PHACTR2: variants seen among roughly 807,000 people sequenced by gnomAD.
PHACTR2 encodes the protein chromosome 6 open reading frame 56.
A neutral mutation model predicts 76.0 loss-of-function variants in PHACTR2; 30 were observed. The ratio of observed to expected loss-of-function variants is 0.39; its 90% CI spans 0.30 to 0.54. PHACTR2 has a LOEUF of 0.54. Ranked by LOEUF, PHACTR2 falls within the 20% of genes least tolerant of loss-of-function variation. The pLI is 0.61. For synonymous variants in PHACTR2, 292 were observed against 292.5 expected (o/e 1.00, Z 0.02); for missense variants, 696 against 781.1 (o/e 0.89, Z 1.30).
chr6:143,667,774 G>A (rs191499261), intron 1 of PHACTR2, among the ~76,000 whole-genome samples: 2 of 152,140 alleles, frequency 1.3e-5, no homozygotes, highest in African/African-American at 4.8e-5. Context: ...GGAGATTTTG[G>A]GCTGAGACGA....
chr6:143,763,424 G>C (rs1339845798), intron 5 of PHACTR2, among the ~76,000 whole-genome samples: 2 of 152,182 alleles, frequency 1.3e-5, no homozygotes, highest in African/African-American at 4.8e-5. Flanking sequence ...AAAGGATTCT[G>C]TTTAACTTAG....
chr6:143,705,356 G>A lies in PHACTR2; in HGVS notation c.47-6660G>A, dbSNP rs1562276409. Reference sequence around the variant, plus strand: ...GTAGCCCAGGCTGGAGTGCAGTGGCGCAATCTTGGTTCACTGCAAGCTCTG... The same window carrying A: ...GTAGCCCAGGCTGGAGTGCAGTGGCACAATCTTGGTTCACTGCAAGCTCTG... On this transcript the variant is annotated intron_variant, in intron 1 of 12. Coordinates refer to ENST00000440869, the MANE Select transcript of PHACTR2 (RefSeq NM_001100164.2). 7.5e-5 allele frequency among the ~76,000 whole-genome samples: 11 copies of A among 147,470 alleles called. No homozygotes were observed. In the South Asian group the frequency reaches 8.6e-4, roughly 12 times the overall value.
At position 143,696,664 on chromosome 6, in the gene PHACTR2, C is replaced by T. The variant is rs1353246944; in HGVS notation, c.47-15352C>T. 6.6e-6 allele frequency among the ~76,000 whole-genome samples: 1 copy of T among 152,168 alleles called. No homozygotes were observed. The highest frequency in any genetic ancestry group is 1.5e-5 in the Non-Finnish European group (1 of 68,022). On this transcript the variant is annotated intron_variant, in intron 1 of 12. Transcript: ENST00000440869. The surrounding 1 kb of genome is among the most constrained non-coding windows in gnomAD (Gnocchi z 4.1). ...GCCCATGTTTTTCCTTTGCAGTACT[C>T]ACAGGTCTGTGTTTATATTTAAATG...
chr6:143,621,444 G>A lies in PHACTR2; in HGVS notation c.13+13122G>A, dbSNP rs1050950058. 6.6e-6 allele frequency among the ~76,000 whole-genome samples: 1 copy of A among 152,186 alleles called. No individual in the cohort carries two copies. The highest frequency in any genetic ancestry group is 2.4e-5 in the African/African-American group (1 of 41,434). ...TAGCACAGGACTTGGGAAGCCAGCA[G>A]CTACAAGGAAGCTCACCTGTCAAGC... On this transcript the variant is annotated intron_variant, in intron 1 of 11. Transcript: ENST00000305766. This position sits in a 1 kb window ranked among gnomAD's most constrained non-coding sequence, Gnocchi z 4.1.
intron 2 of PHACTR2, among the ~76,000 whole-genome samples, chr6:143,747,574 A>G (rs1370107010): frequency 6.6e-6 from 1 of 152,192 alleles, no homozygotes; most frequent in Non-Finnish European, 1.5e-5. Context: ...GATGTTGTCT[A>G]GAGCAGTTCC....
At chr6:143,746,877 T>C (rs1327049275) in intron 2 of PHACTR2, among the ~76,000 whole-genome samples, 1 of 152,062 alleles carries the variant, frequency 6.6e-6, no homozygotes, top group African/African-American at 2.4e-5. Context: ...ACTTTTTTCA[T>C]TGAAATTACT....
Position 143,571,628 on chromosome 6 carries a change from G to A in PHACTR2, c.217+34421G>A, listed in dbSNP as rs1206945361. Among the ~76,000 whole-genome samples, 4 of 151,836 alleles carry A rather than the reference G, an allele frequency of 2.6e-5. No individual in the cohort carries two copies. Among genetic ancestry groups the A allele is most frequent in the East Asian group, 3.9e-4 (2 of 5,164 alleles). ...GAGGTCTTGCTATGTTTCCCAGGCC[G>A]GTCAATCATCACTCATTTTGTTGCC... On this transcript the variant is annotated intron_variant, in intron 1 of 11. Coordinates refer to the PHACTR2 transcript ENST00000367584. This position sits in a 1 kb window ranked among gnomAD's most constrained non-coding sequence, Gnocchi z 4.6.
At position 143,641,408 on chromosome 6, in the gene PHACTR2, C is replaced by T. The variant is rs1776559135; in HGVS notation, c.13+33086C>T. ...GGAAAGGAAGGATTCTCCTCCAGTG[C>T]CTTGAGAACGAGCACTGCCCTGCCA... On this transcript the variant is annotated intron_variant, in intron 1 of 11. Transcript: ENST00000305766. This position sits in a 1 kb window ranked among gnomAD's most constrained non-coding sequence, Gnocchi z 5.8. Among the ~76,000 whole-genome samples the T allele has an allele frequency of 6.6e-6, 1 of 152,196 alleles. No homozygotes were observed. Among genetic ancestry groups the T allele is most frequent in the Admixed American group, 6.5e-5 (1 of 15,276 alleles).
At chr6:143,788,734 G>C in intron 10 of PHACTR2, 39 bp from the exon 11 acceptor site, 1 of 1,574,942 alleles carries the variant, frequency 6.3e-7, no homozygotes, top group Non-Finnish European at 8.7e-7. Context: ...GGCTGTAAGT[G>C]GTTTACTGAA....
rs764851027 is a variant in PHACTR2 at position 143,764,777 on chromosome 6, G to A, written c.695-484G>A. On this transcript the variant is annotated intron_variant, in intron 5 of 12. Coordinates refer to ENST00000440869, the MANE Select transcript of PHACTR2 (RefSeq NM_001100164.2). This position sits in a 1 kb window ranked among gnomAD's most constrained non-coding sequence, Gnocchi z 4.7. ...TTTGTTTTTGACCCAGAAAGAAGCT[G>A]GATATATACCCCAGTCTCTTCTGAA... Among the ~76,000 whole-genome samples, 4 of 152,094 alleles carry A rather than the reference G, an allele frequency of 2.6e-5. No individual in the cohort carries two copies. The highest frequency in any genetic ancestry group is 5.9e-5 in the Non-Finnish European group (4 of 68,010).
chr6:143,710,558 T>A lies in PHACTR2; in HGVS notation c.47-1458T>A, dbSNP rs181970378. Reference sequence around the variant, plus strand: ...AAATACAAAAATTAGCCAGGCCTGGTGGCATGTGCCTGTAGTCAGTCCCAG... The same window carrying A: ...AAATACAAAAATTAGCCAGGCCTGGAGGCATGTGCCTGTAGTCAGTCCCAG... On this transcript the variant is annotated intron_variant, in intron 1 of 12. Coordinates refer to ENST00000440869, the MANE Select transcript of PHACTR2 (RefSeq NM_001100164.2). The surrounding 1 kb of genome is among the most constrained non-coding windows in gnomAD (Gnocchi z 4.9). Among the ~76,000 whole-genome samples the A allele has an allele frequency of 6.6e-6, 1 of 152,072 alleles. No homozygotes were observed. The highest frequency in any genetic ancestry group is 6.5e-5 in the Admixed American group (1 of 15,270).
Position 143,823,712 on chromosome 6 carries a change from A to T in PHACTR2, c.*23A>T. On this transcript the variant is annotated 3_prime_UTR_variant, in exon 13 of 13. Transcript: ENST00000440869. The surrounding 1 kb of genome is among the most constrained non-coding windows in gnomAD (Gnocchi z 5.7). ...TAACGAAGAGTGAGACTATTTGGAA[A>T]CAGAGACTGATCATCTTTGGGGGAA... 1.3e-6 allele frequency: 2 copies of T among 1,595,458 alleles called. No homozygotes were observed. Among genetic ancestry groups the T allele is most frequent in the Non-Finnish European group, 8.6e-7 (1 of 1,163,054 alleles).
At position 143,767,540 on chromosome 6, in the gene PHACTR2, G is replaced by A. The variant is rs1366946346; in HGVS notation, c.1232+1742G>A. On this transcript the variant is annotated intron_variant, in intron 6 of 12. Transcript: ENST00000440869. The surrounding 1 kb of genome is among the most constrained non-coding windows in gnomAD (Gnocchi z 4.4). Reference sequence around the variant, plus strand: ...TGGTGTCTTTCTTAGGACATTTTGTGCTGCTGTAATAGAGTACCTGAGACT... The same window carrying A: ...TGGTGTCTTTCTTAGGACATTTTGTACTGCTGTAATAGAGTACCTGAGACT... Among the ~76,000 whole-genome samples, 1 of 152,176 alleles carries A rather than the reference G, an allele frequency of 6.6e-6. No homozygotes were observed. The highest frequency in any genetic ancestry group is 1.5e-5 in the Non-Finnish European group (1 of 68,026).
At chr6:143,721,921 G>A (rs1778453359) in intron 2 of PHACTR2, among the ~76,000 whole-genome samples, 1 of 152,162 alleles carries the variant, frequency 6.6e-6, no homozygotes, top group South Asian at 2.1e-4. Flanking sequence ...AGTACCTCAT[G>A]TGTTCTTTCT....
chr6:143,652,856 C>T lies in PHACTR2; in HGVS notation c.13+44534C>T, dbSNP rs1776788246. Reference sequence around the variant, plus strand: ...GGGTCACAGCTTTATGAAATTCAGTCACTTTGTAGCAGCCACTCTAAGGAG... The same window carrying T: ...GGGTCACAGCTTTATGAAATTCAGTTACTTTGTAGCAGCCACTCTAAGGAG... On this transcript the variant is annotated intron_variant, in intron 1 of 11. Coordinates refer to the PHACTR2 transcript ENST00000305766. This position sits in a 1 kb window ranked among gnomAD's most constrained non-coding sequence, Gnocchi z 4.5. Among the ~76,000 whole-genome samples the T allele has an allele frequency of 6.6e-6, 1 of 152,218 alleles. No homozygotes were observed. The highest frequency in any genetic ancestry group is 2.4e-5 in the African/African-American group (1 of 41,468).
chr6:143,672,184 C>T lies in PHACTR2; in HGVS notation c.14-39832C>T, dbSNP rs1465671141. On this transcript the variant is annotated intron_variant, in intron 1 of 11. Transcript: ENST00000305766. The surrounding 1 kb of genome is among the most constrained non-coding windows in gnomAD (Gnocchi z 5.8). ...TGGTTGGACTACATGTTTATTAAAA[C>T]TTATTGAACTGTTTGCTTTAAATGG... Among the ~76,000 whole-genome samples the T allele has an allele frequency of 6.6e-6, 1 of 151,678 alleles. No homozygotes were observed. The highest frequency in any genetic ancestry group is 1.5e-5 in the Non-Finnish European group (1 of 67,984).
chr6:143,786,385 T>C (rs573986005), intron 10 of PHACTR2, among the ~76,000 whole-genome samples: 1 of 152,342 alleles, frequency 6.6e-6, no homozygotes, highest in African/African-American at 2.4e-5. Flanking sequence ...GCTATCAGCA[T>C]TTTTGTCAAA....
rs1407003442 is a variant in PHACTR2 at position 143,539,932 on chromosome 6, T to C, written c.217+2725T>C. ...GCACACCTAGGGATTCTGATTTCAT[T>C]GGCATCAGGTGCATCCTGGCCATTA... On this transcript the variant is annotated intron_variant, in intron 1 of 11. Transcript: ENST00000367584. The surrounding 1 kb of genome is among the most constrained non-coding windows in gnomAD (Gnocchi z 4.3). Among the ~76,000 whole-genome samples the C allele has an allele frequency of 6.6e-6, 1 of 152,180 alleles. No homozygotes were observed. Among genetic ancestry groups the C allele is most frequent in the East Asian group, 1.9e-4 (1 of 5,194 alleles).
rs180906848 is a variant in PHACTR2, at chr6:143,684,602, G to C, written c.46+6393G>C. 6.6e-6 allele frequency among the ~76,000 whole-genome samples: 1 copy of C among 152,184 alleles called. No individual in the cohort carries two copies. The highest frequency in any genetic ancestry group is 2.4e-5 in the African/African-American group (1 of 41,444). The stretch of plus-strand genomic sequence containing the variant: ...CATTATTCTCAAAGAGGCTTTCTCA[G>C]TGTTATCTGCTTATTATATGAGAAT... On this transcript the variant is annotated intron_variant, in intron 1 of 12. Transcript: ENST00000440869. The surrounding 1 kb of genome is among the most constrained non-coding windows in gnomAD (Gnocchi z 4.3).
Sources: allele counts gnomAD v4.1 joint callset (sites outside exome capture counted in the v4.1 genomes callset), GRCh38; gene constraint gnomAD v4.1.1; non-coding constraint Gnocchi (gnomAD v3.1); transcripts MANE v1.5; gene names NCBI Gene and HGNC (gene_info 2026-07-23, HGNC 2026-07-21).